PCDHGB5: variants seen among roughly 807,000 people sequenced by gnomAD.
PCDHGB5 encodes protocadherin gamma subfamily B, 5, also known as protocadherin gamma-B5.
A neutral mutation model predicts 62.9 loss-of-function variants in PCDHGB5; 48 were observed. That is an observed-to-expected ratio of 0.76 (90% confidence interval 0.61 to 0.97). The LOEUF is 0.97. Among genes scored for constraint, PCDHGB5 ranks in the 50% least tolerant of loss-of-function variants. PCDHGB5 has a pLI of 0.00. For missense variants in PCDHGB5, 1,118 were observed against 1,198.6 expected (o/e 0.93, Z 0.99); for synonymous variants, 474 against 511.2 (o/e 0.93, Z 0.98).
In PCDHGB5 at chr5:141,431,118, A is replaced by T. The variant is rs2097344347; in HGVS notation, c.2397+30594A>T. On this transcript the variant is annotated intron_variant, in intron 1 of 3. Coordinates refer to ENST00000617380, the MANE Select transcript of PCDHGB5 (RefSeq NM_018925.3). This position sits in a 1 kb window ranked among gnomAD's most constrained non-coding sequence, Gnocchi z 4.8. ...GATAAAGTGAAAATATATGGAGTAG[A>T]AGTAGAAGTAAGGGACATTAACGAC... is the stretch of plus-strand genomic sequence containing the variant. The T allele has an allele frequency of 6.2e-7, 1 of 1,614,182 alleles. No homozygotes were observed. Among genetic ancestry groups the T allele is most frequent in the African/African-American group, 1.3e-5 (1 of 75,070 alleles).
In PCDHGB5 at chr5:141,409,721, G is replaced by A. The variant is rs892686024; in HGVS notation, c.2397+9197G>A. On this transcript the variant is annotated intron_variant, in intron 1 of 3. Transcript: ENST00000617380. ...CCTGGCGGTGTCGTCATACGTGTCA[G>A]TGAGCGCGCAGAGCGGGGTGGTGTT... The A allele has an allele frequency of 6.8e-6, 11 of 1,613,114 alleles. No homozygotes were observed. The highest frequency in any genetic ancestry group is 6.7e-5 in the East Asian group (3 of 44,892).
intron 1 of PCDHGB5, chr5:141,402,898 T>C: frequency 6.6e-7 from 1 of 1,512,304 alleles, no homozygotes; most frequent in Non-Finnish European, 8.8e-7. Context: ...AGAAAGAACC[T>C]GATGAAGCAG....
intron 2 of PCDHGB5, among the ~76,000 whole-genome samples, chr5:141,500,695 T>G (rs1214079801): frequency 1.3e-5 from 2 of 152,214 alleles, no homozygotes; most frequent in Admixed American, 6.5e-5. Flanking sequence ...TTTTTCTTCT[T>G]TGCAGTGTAT....
rs372043756 is a variant in PCDHGB5 at position 141,476,212 on chromosome 5, C to G, written c.2398-18595C>G. ...GTGCCTTGAACAAGGCTTCCACGGT[C>G]ATTCACTATGAGATCCCGGAGGAAA... On this transcript the variant is annotated intron_variant, in intron 1 of 3. Coordinates refer to ENST00000617380, the MANE Select transcript of PCDHGB5 (RefSeq NM_018925.3). The surrounding 1 kb of genome is among the most constrained non-coding windows in gnomAD (Gnocchi z 7.6). 6 of 1,613,932 alleles carry G rather than the reference C, an allele frequency of 3.7e-6. No individual in the cohort carries two copies. The highest frequency in any genetic ancestry group is 5.1e-6 in the Non-Finnish European group (6 of 1,180,012).
chr5:141,505,190 G>A (rs1326515866), intron 2 of PCDHGB5, among the ~76,000 whole-genome samples: 1 of 152,186 alleles, frequency 6.6e-6, no homozygotes, highest in East Asian at 1.9e-4. Flanking sequence ...ATCGGAGGCA[G>A]CAAAGAGCTG....
chr5:141,486,452 G>T lies in PCDHGB5; in HGVS notation c.2398-8355G>T. 6.2e-7 allele frequency: 1 copy of T among 1,614,152 alleles called. No homozygotes were observed. Among genetic ancestry groups the T allele is most frequent in the Non-Finnish European group, 8.5e-7 (1 of 1,179,996 alleles). Reference sequence around the variant, plus strand: ...ATCTAGCTATGACATCATGGTCACTGCTTCTGATGCTGGGAACCCTCCTCT... The same window carrying T: ...ATCTAGCTATGACATCATGGTCACTTCTTCTGATGCTGGGAACCCTCCTCT... On this transcript the variant is annotated intron_variant, in intron 1 of 3. Coordinates refer to ENST00000617380, the MANE Select transcript of PCDHGB5 (RefSeq NM_018925.3). This position sits in a 1 kb window ranked among gnomAD's most constrained non-coding sequence, Gnocchi z 5.0.
At position 141,399,438 on chromosome 5, in the gene PCDHGB5, T is replaced by G; in HGVS notation, c.1311T>G (p.His437Gln). 3 of 1,613,996 alleles carry G rather than the reference T, an allele frequency of 1.9e-6. No individual in the cohort carries two copies. The South Asian group carries it at 3.3e-5, about 18-fold the overall frequency. Residue 437 changes from histidine (H) to glutamine (Q), a missense_variant, in exon 1 of 4, where the codon CAT becomes CAG. Transcript: ENST00000617380. The stretch of plus-strand genomic sequence containing the variant: ...CCTCCAGCATAAGCGTCATCCTACA[T>G]ATCAGAGACGTCAACGATAACGCTC... ...PLSSSISVIL[H>Q]IRDVNDNAPV...
intron 1 of PCDHGB5, chr5:141,419,462 C>T: frequency 6.2e-7 from 1 of 1,612,582 alleles, no homozygotes. Flanking sequence ...GCTGCAGGCC[C>T]GCGACCAGGG....
chr5:141,476,597 G>C lies in PCDHGB5; in HGVS notation c.2398-18210G>C, dbSNP rs2099394582. On this transcript the variant is annotated intron_variant, in intron 1 of 3. Coordinates refer to ENST00000617380, the MANE Select transcript of PCDHGB5 (RefSeq NM_018925.3). The surrounding 1 kb of genome is among the most constrained non-coding windows in gnomAD (Gnocchi z 7.6). ...GCGCTTTCCGCTCGAGAGCGCGCAC[G>C]ATCCCGATGTGGGAAGCAACTCTTT... The C allele has an allele frequency of 1.2e-6, 2 of 1,614,112 alleles. No individual in the cohort carries two copies. The highest frequency in any genetic ancestry group is 1.7e-6 in the Non-Finnish European group (2 of 1,180,046).
chr5:141,421,374 C>G, intron 1 of PCDHGB5: 1 of 1,614,062 alleles, frequency 6.2e-7, no homozygotes, highest in Non-Finnish European at 8.5e-7. Context: ...TGGGCAATAT[C>G]TCCAAGGACC....
chr5:141,442,675 G>A (rs1381554808), intron 1 of PCDHGB5, among the ~76,000 whole-genome samples: 1 of 152,248 alleles, frequency 6.6e-6, no homozygotes, highest in Admixed American at 6.5e-5. Context: ...GTGAGCTTGA[G>A]GGACAGTAGT....
chr5:141,414,210 T>G (rs1252033650), intron 1 of PCDHGB5: 1 of 1,612,706 alleles, frequency 6.2e-7, no homozygotes, highest in Admixed American at 1.7e-5. Context: ...AAGATGTAAA[T>G]GACAACAGTC....
Position 141,399,314 on chromosome 5 carries a change from A to G in PCDHGB5, c.1187A>G (p.Asn396Ser). The G allele has an allele frequency of 6.2e-7, 1 of 1,613,988 alleles. No individual in the cohort carries two copies. Among genetic ancestry groups the G allele is most frequent in the African/African-American group, 1.3e-5 (1 of 75,066 alleles). The change falls in exon 1 of 4, where the codon AAT becomes AGT. Residue 396 changes from asparagine (N) to serine (S), a missense_variant. Physicochemically the swap from Asn to Ser is conservative, Grantham distance 46. Coordinates refer to ENST00000617380, the MANE Select transcript of PCDHGB5 (RefSeq NM_018925.3). ...TTTAAGATTATCTCTTCATCCAAAAATTCGTATAAGTTGGTAACAGATGGA... is the reference window on the plus strand; with the variant it reads ...TTTAAGATTATCTCTTCATCCAAAAGTTCGTATAAGTTGGTAACAGATGGA... ...VPFKIISSSK[N>S]SYKLVTDGTL...
At chr5:141,484,352 T>A (rs112226980) in intron 1 of PCDHGB5, among the ~76,000 whole-genome samples, 8,127 of 152,270 alleles carry the variant, frequency 0.053, 445 homozygotes, top group African/African-American at 0.15. Context: ...TAATTTAGTG[T>A]ATCTAGTGTA....
At chr5:141,469,408 C>A (rs765861544) in intron 1 of PCDHGB5, among the ~76,000 whole-genome samples, 20 of 152,008 alleles carry the variant, frequency 1.3e-4, no homozygotes, top group Non-Finnish European at 2.6e-4. Flanking sequence ...AACCCCGTTT[C>A]TACTAAAAAT....
intron 1 of PCDHGB5, among the ~76,000 whole-genome samples, chr5:141,455,138 TTAAA>T (rs1193499111): frequency 1.3e-5 from 2 of 151,028 alleles, no homozygotes; most frequent in Admixed American, 1.3e-4. Context: ...TTACACTGTG[TTAAA>T]TAAATATTAG....
chr5:141,409,178 G>A, intron 1 of PCDHGB5: 1 of 1,613,994 alleles, frequency 6.2e-7, no homozygotes, highest in Non-Finnish European at 8.5e-7. Context: ...GGACGGAGGT[G>A]GTCTCTCTAC....
At chr5:141,414,811 C>T in intron 1 of PCDHGB5, 3 of 1,614,254 alleles carry the variant, frequency 1.9e-6, no homozygotes, top group Non-Finnish European at 2.5e-6. Context: ...GGATCCTCCA[C>T]TCAGCAGCAA....
Position 141,409,086 on chromosome 5 carries a change from A to G in PCDHGB5, c.2397+8562A>G, listed in dbSNP as rs1019017199. 6.8e-6 allele frequency: 11 copies of G among 1,613,904 alleles called. No homozygotes were observed. Among genetic ancestry groups the G allele is most frequent in the African/African-American group, 5.3e-5 (4 of 74,932 alleles). On this transcript the variant is annotated intron_variant, in intron 1 of 3. Transcript: ENST00000617380. ...AGCACAAAACATATGTTCTCATTGG[A>G]TGAGAAAACAGGTATGATTAAGAAT... is the stretch of plus-strand genomic sequence containing the variant.
Sources: allele counts gnomAD v4.1 joint callset (sites outside exome capture counted in the v4.1 genomes callset), GRCh38; gene constraint gnomAD v4.1.1; non-coding constraint Gnocchi (gnomAD v3.1); transcripts MANE v1.5; gene names NCBI Gene and HGNC (gene_info 2026-07-23, HGNC 2026-07-21).